Variants in EPHA6 observed in about 807,000 individuals in gnomAD.
EPHA6 encodes EPH receptor A6.
Under a neutral mutation model 112.0 loss-of-function variants are expected in EPHA6, and 50 were observed. That is an observed-to-expected ratio of 0.45 (90% CI 0.36 to 0.56). EPHA6 has a LOEUF of 0.56. Ranked by LOEUF, EPHA6 falls within the 20% of genes least tolerant of loss-of-function variation. The probability of loss-of-function intolerance (pLI) is 0.00; values close to 1 mark genes in which losing one functional copy is unlikely to be tolerated. For synonymous variants in EPHA6, 529 were observed against 490.7 expected, an observed-to-expected ratio of 1.08 and a Z score of -1.03; for missense variants, 1,280 against 1,417.4, an observed-to-expected ratio of 0.90 and a Z score of 1.56.
chr3:97,053,698 AT>A (rs1398259300), intron 3 of EPHA6, among the ~76,000 whole-genome samples: 11 of 152,082 alleles, frequency 7.2e-5, no homozygotes, highest in Admixed American at 2.6e-4. Flanking sequence ...ATGATATTTT[AT>A]TTATATTTCT....
At chr3:97,046,857 A>G (rs1055343656) in intron 3 of EPHA6, among the ~76,000 whole-genome samples, 2 of 152,124 alleles carry the variant, frequency 1.3e-5, no homozygotes, top group Admixed American at 1.3e-4. Flanking sequence ...TAAAACTTAA[A>G]TTACCATTTA....
intron 2 of EPHA6, among the ~76,000 whole-genome samples, chr3:96,899,108 C>T (rs1277937972): frequency 6.6e-6 from 1 of 150,910 alleles, no homozygotes; most frequent in Non-Finnish European, 1.5e-5. Context: ...GAGTCTGAAA[C>T]GAAGGTATTG....
intron 14 of EPHA6, among the ~76,000 whole-genome samples, chr3:97,692,571 A>G (rs2032740148): frequency 6.6e-6 from 1 of 152,116 alleles, no homozygotes; most frequent in Admixed American, 6.6e-5. Flanking sequence ...GTCCTACTGG[A>G]CCTCACTGCC....
At chr3:97,074,967 T>C (rs969849204) in intron 3 of EPHA6, among the ~76,000 whole-genome samples, 3 of 152,016 alleles carry the variant, frequency 2.0e-5, no homozygotes, top group African/African-American at 7.2e-5. Flanking sequence ...TTCTCAATGG[T>C]ACCGTGTTAT....
At chr3:97,440,129 G>A (rs1386339658) in intron 6 of EPHA6, among the ~76,000 whole-genome samples, 2 of 152,018 alleles carry the variant, frequency 1.3e-5, no homozygotes, top group East Asian at 3.9e-4. Flanking sequence ...GTAGAGGAGG[G>A]GACCAAATCG....
chr3:97,520,021 G>A (rs2092513484), intron 10 of EPHA6, among the ~76,000 whole-genome samples: 1 of 149,310 alleles, frequency 6.7e-6, no homozygotes, highest in Admixed American at 6.7e-5. Flanking sequence ...AGGCTGGAGT[G>A]CAGTGGTATG....
chr3:97,456,207 C>T (rs955635992), intron 7 of EPHA6, among the ~76,000 whole-genome samples: 1 of 152,034 alleles, frequency 6.6e-6, no homozygotes, highest in Non-Finnish European at 1.5e-5. Flanking sequence ...CATCCCTTGA[C>T]TGGAAGTTTT....
intron 2 of EPHA6, among the ~76,000 whole-genome samples, chr3:96,917,117 CACAA>C (rs959187293): frequency 6.6e-6 from 1 of 151,994 alleles, no homozygotes; most frequent in African/African-American, 2.4e-5. Context: ...CCAGTTTACA[CACAA>C]ACAAACACAC....
At chr3:97,475,548 A>T in intron 8 of EPHA6, 88 bp downstream of exon 8, 1 of 902,368 alleles carries the variant, frequency 1.1e-6, no homozygotes, top group South Asian at 1.6e-5. Context: ...TAGATATAAC[A>T]AAGCACACCT....
rs563518373 is a variant in EPHA6 at position 97,228,800 on chromosome 3, C to T, written c.1270+2381C>T. ...TTAGTTCTTTAAGGAATCTCCATACCGTTATCCGTGGTAGTTGTACTGGTT... is the reference window on the plus strand; with the variant it reads ...TTAGTTCTTTAAGGAATCTCCATACTGTTATCCGTGGTAGTTGTACTGGTT... On this transcript the variant is annotated intron_variant, in intron 4 of 17. Coordinates refer to ENST00000389672, the MANE Select transcript of EPHA6 (RefSeq NM_001080448.3). Among the ~76,000 whole-genome samples the T allele has an allele frequency of 3.5e-4, 54 of 152,122 alleles. No individual in the cohort carries two copies. The South Asian group carries it at 8.7e-3, about 25-fold the overall frequency.
chr3:97,615,170 A>G (rs1436913851), intron 13 of EPHA6, among the ~76,000 whole-genome samples: 2 of 152,076 alleles, frequency 1.3e-5, no homozygotes, highest in Admixed American at 6.6e-5. Context: ...AACCTCCCCT[A>G]CCCTGGGAAG....
intron 11 of EPHA6, among the ~76,000 whole-genome samples, chr3:97,566,114 GC>G (rs1294751183): frequency 3.3e-5 from 5 of 152,224 alleles, no homozygotes; most frequent in Non-Finnish European, 7.3e-5. Flanking sequence ...TGGTGAGAGT[GC>G]CAGGAAACTT....
chr3:96,822,849 A>T (rs2033371499), intron 1 of EPHA6, among the ~76,000 whole-genome samples: 1 of 151,516 alleles, frequency 6.6e-6, no homozygotes, highest in Admixed American at 6.6e-5. Context: ...TAGTGTATAG[A>T]GTATAACACC....
chr3:97,742,027 G>C (rs764052831), intron 16 of EPHA6, among the ~76,000 whole-genome samples: 3 of 152,072 alleles, frequency 2.0e-5, no homozygotes, highest in Non-Finnish European at 4.4e-5. Context: ...AGTAGTAATA[G>C]CAACAATATA....
chr3:97,443,443 AT>A (rs2090211781), intron 6 of EPHA6, among the ~76,000 whole-genome samples: 1 of 151,458 alleles, frequency 6.6e-6, no homozygotes, highest in African/African-American at 2.4e-5. Flanking sequence ...TTGCACCTAT[AT>A]TTTCAAATCG....
intron 2 of EPHA6, among the ~76,000 whole-genome samples, chr3:96,878,846 A>G (rs1173011981): frequency 6.6e-6 from 1 of 152,124 alleles, no homozygotes; most frequent in Non-Finnish European, 1.5e-5. Flanking sequence ...AAAAACATAT[A>G]AAGTGAATAT....
At chr3:96,908,024 A>G (rs967187349) in intron 2 of EPHA6, among the ~76,000 whole-genome samples, 5 of 151,968 alleles carry the variant, frequency 3.3e-5, no homozygotes, top group Non-Finnish European at 7.4e-5. Context: ...TATATGATAT[A>G]TCTTTTTGCT....
At position 97,256,047 on chromosome 3, in the gene EPHA6, T is replaced by A. The variant is rs147788290; in HGVS notation, c.1606+11760T>A. Among the ~76,000 whole-genome samples the A allele has an allele frequency of 2.0e-3, 311 of 152,260 alleles. 1 individual carries two copies. The highest frequency in any genetic ancestry group is 3.4e-3 in the Non-Finnish European group (232 of 67,970). ...TTAGGTTTCTGAAGACCTTTTCTTA[T>A]GATATGGTCTCTTTCCTCATTTATG... On this transcript the variant is annotated intron_variant, in intron 5 of 17. Coordinates refer to ENST00000389672, the MANE Select transcript of EPHA6 (RefSeq NM_001080448.3).
At chr3:97,527,415 T>C (rs2092636398) in intron 10 of EPHA6, among the ~76,000 whole-genome samples, 2 of 152,182 alleles carry the variant, frequency 1.3e-5, no homozygotes, top group South Asian at 4.2e-4. Context: ...GGGTGCAGAA[T>C]TATTTTTTTT....
Sources: gnomAD v4.1 joint callset for allele counts (sites outside exome capture counted in the v4.1 genomes callset) on GRCh38, gnomAD v4.1.1 for gene constraint, MANE v1.5 for transcripts, NCBI Gene and HGNC (gene_info 2026-07-23, HGNC 2026-07-21) for gene names.